NEGR1: variants seen among roughly 807,000 people sequenced by gnomAD.
NEGR1 encodes the protein neuronal growth regulator 1.
NEGR1 carries 10 observed loss-of-function variants against 40.9 expected under a neutral mutation model. That is an observed-to-expected ratio of 0.24 (90% CI 0.15 to 0.42). The LOEUF (loss-of-function observed/expected upper bound fraction) is 0.42, where lower values mean the gene tolerates loss of function less well. Among genes scored for constraint, NEGR1 ranks in the 10% least tolerant of loss-of-function variants. The probability of loss-of-function intolerance (pLI) is 1.00; values close to 1 mark genes in which losing one functional copy is unlikely to be tolerated. For synonymous variants in NEGR1, 185 were observed against 166.8 expected (o/e 1.11, Z -0.84); for missense variants, 352 against 438.9 (o/e 0.80, Z 1.77).
At chr1:71,764,646 G>A (rs748612642) in intron 3 of NEGR1, among the ~76,000 whole-genome samples, 4 of 152,188 alleles carry the variant, frequency 2.6e-5, no homozygotes, top group Non-Finnish European at 4.4e-5. Context: ...GGAGATGAGA[G>A]CATTGAAGAT....
At chr1:72,061,966 T>C (rs1647183277) in intron 1 of NEGR1, among the ~76,000 whole-genome samples, 1 of 151,824 alleles carries the variant, frequency 6.6e-6, no homozygotes, top group African/African-American at 2.4e-5. Context: ...TCTTCCCACA[T>C]TGCTACCAGA....
intron 1 of NEGR1, among the ~76,000 whole-genome samples, chr1:72,034,920 C>T (rs1034128808): frequency 6.6e-6 from 1 of 152,134 alleles, no homozygotes; most frequent in African/African-American, 2.4e-5. Context: ...ATGCCAGCAG[C>T]TGTACCTGGA....
In NEGR1 at chr1:71,711,341, CAAAA is replaced by C. The variant is rs59376519; in HGVS notation, c.536-13206_536-13203del. ...CCTGTGCGACAGAGCGAGATTCCACCAAAAAAAAAAAAAAAAAAAAAAGAAGAAG... is the reference window on the plus strand; with the variant it reads ...CCTGTGCGACAGAGCGAGATTCCACCAAAAAAAAAAAAAAAAAAGAAGAAG... On this transcript the variant is annotated intron_variant, in intron 3 of 6. Coordinates refer to ENST00000357731, the MANE Select transcript of NEGR1 (RefSeq NM_173808.3). Among the ~76,000 whole-genome samples the C allele has an allele frequency of 2.4e-3, 139 of 58,708 alleles. 3 individuals carry two copies. The highest frequency in any genetic ancestry group is 1.4e-3 in the Admixed American group (5 of 3,620). The allele number at this position is 58,708 out of a possible 152,430, so 38.5% of individuals were successfully genotyped here.
intron 6 of NEGR1, among the ~76,000 whole-genome samples, chr1:71,574,107 G>A (rs1648887483): frequency 6.6e-6 from 1 of 152,194 alleles, no homozygotes; most frequent in Admixed American, 6.5e-5. Context: ...CTGAGAAAAA[G>A]AGCAGGCTTA....
At chr1:72,176,664 GAAAC>G (rs896654628) in intron 1 of NEGR1, among the ~76,000 whole-genome samples, 9 of 151,826 alleles carry the variant, frequency 5.9e-5, no homozygotes, top group South Asian at 4.2e-4. Flanking sequence ...TGTATGAGGG[GAAAC>G]AAACAAACAA....
intron 2 of NEGR1, among the ~76,000 whole-genome samples, chr1:71,776,585 G>T (rs183435163): frequency 6.6e-6 from 1 of 152,076 alleles, no homozygotes; most frequent in Non-Finnish European, 1.5e-5. Context: ...AGTAATTTGT[G>T]TTAAGTAAAC....
In NEGR1 at chr1:72,077,425, A is replaced by C. The variant is rs545275165; in HGVS notation, c.177-142114T>G. Among the ~76,000 whole-genome samples the C allele has an allele frequency of 2.0e-5, 3 of 152,188 alleles. No homozygotes were observed. The East Asian group carries it at 5.8e-4, about 29-fold the overall frequency. On this transcript the variant is annotated intron_variant, in intron 1 of 6. Transcript: ENST00000357731. Reference sequence around the variant, plus strand: ...CTTGTCATAAAACTTCTACCAAAAGAAGTTATAAGGAAAATAAAATCAAAC... The same window carrying C: ...CTTGTCATAAAACTTCTACCAAAAGCAGTTATAAGGAAAATAAAATCAAAC...
At chr1:71,457,076 C>T (rs1436592131) in intron 6 of NEGR1, among the ~76,000 whole-genome samples, 5 of 152,144 alleles carry the variant, frequency 3.3e-5, no homozygotes, top group Admixed American at 1.3e-4. Context: ...TCTCTTCCTT[C>T]CTTTTTCTCT....
chr1:71,898,981 C>CATATAT (rs55674579), intron 2 of NEGR1, among the ~76,000 whole-genome samples: 1,685 of 50,844 alleles, frequency 0.033, 70 homozygotes, highest in African/African-American at 0.05. Context: ...ATATATATAG[C>CATATAT]ATATATATAT....
intron 2 of NEGR1, among the ~76,000 whole-genome samples, chr1:71,802,266 G>A (rs1207286728): frequency 1.3e-5 from 2 of 152,108 alleles, no homozygotes; most frequent in East Asian, 3.9e-4. Flanking sequence ...TATACATACT[G>A]CAAAAAAATG....
At chr1:72,267,887 G>T (rs143105190) in intron 1 of NEGR1, among the ~76,000 whole-genome samples, 1 of 151,152 alleles carries the variant, frequency 6.6e-6, no homozygotes, top group East Asian at 1.9e-4. Flanking sequence ...AACCTTCATA[G>T]ACTTTCAGAA....
chr1:71,716,321 A>G (rs574882393), intron 3 of NEGR1, among the ~76,000 whole-genome samples: 107 of 152,230 alleles, frequency 7.0e-4, no homozygotes, highest in African/African-American at 2.4e-3. Context: ...GAGCCAAACC[A>G]TATCACCTAT....
At chr1:72,184,486 C>G (rs1459858275) in intron 1 of NEGR1, among the ~76,000 whole-genome samples, 1 of 151,962 alleles carries the variant, frequency 6.6e-6, no homozygotes, top group Non-Finnish European at 1.5e-5. Context: ...TGAATTATAG[C>G]TCTGAAAAGG....
chr1:71,442,283 A>G lies in NEGR1; in HGVS notation c.941-34713T>C, dbSNP rs1646553159. 2.2e-5 allele frequency among the ~76,000 whole-genome samples: 3 copies of G among 136,754 alleles called. No homozygotes were observed. In the Admixed American group the frequency reaches 2.4e-4, roughly 11 times the overall value. The allele number at this position is 136,754 out of a possible 152,430, so 89.7% of individuals were successfully genotyped here. A position where few individuals can be genotyped will look rare whatever the true frequency, so the allele number is the denominator to read the frequency against. ...TTTCAAATGTTTCTTCTTTATCATCAATGAACAACATAGGAAAACTTTTCC... is the reference window on the plus strand; with the variant it reads ...TTTCAAATGTTTCTTCTTTATCATCGATGAACAACATAGGAAAACTTTTCC... On this transcript the variant is annotated intron_variant, in intron 6 of 6. Transcript: ENST00000357731.
At chr1:71,870,756 CTT>C (rs1223516354) in intron 2 of NEGR1, among the ~76,000 whole-genome samples, 1 of 152,162 alleles carries the variant, frequency 6.6e-6, no homozygotes, top group Non-Finnish European at 1.5e-5. Context: ...CTGTAAGTGT[CTT>C]TTTATTCATT....
chr1:71,735,701 A>G (rs1394473530), intron 3 of NEGR1, among the ~76,000 whole-genome samples: 1 of 152,078 alleles, frequency 6.6e-6, no homozygotes, highest in Admixed American at 6.6e-5. Context: ...ATGTAAAAGT[A>G]CATAATTATA....
At chr1:71,590,643 C>T (rs1330099830) in intron 6 of NEGR1, among the ~76,000 whole-genome samples, 2 of 152,074 alleles carry the variant, frequency 1.3e-5, no homozygotes, top group Non-Finnish European at 2.9e-5. Context: ...GTTTCCTTTT[C>T]TAGAAGAGGA....
At chr1:71,829,544 C>G (rs1165202779) in intron 2 of NEGR1, among the ~76,000 whole-genome samples, 1 of 151,876 alleles carries the variant, frequency 6.6e-6, no homozygotes, top group African/African-American at 2.4e-5. Context: ...GGTTTCTTGA[C>G]CGCTGTAGTC....
intron 4 of NEGR1, among the ~76,000 whole-genome samples, chr1:71,649,395 C>A (rs1415421410): frequency 6.6e-6 from 1 of 152,034 alleles, no homozygotes; most frequent in Non-Finnish European, 1.5e-5. Flanking sequence ...GAGCAAAGTA[C>A]ATGGATTATC....
Sources: gnomAD v4.1 joint callset for allele counts (sites outside exome capture counted in the v4.1 genomes callset) on GRCh38, gnomAD v4.1.1 for gene constraint, MANE v1.5 for transcripts, NCBI Gene and HGNC (gene_info 2026-07-23, HGNC 2026-07-21) for gene names.